DOCK9: variants seen among roughly 807,000 people sequenced by gnomAD.
The protein encoded by DOCK9 is dedicator of cytokinesis protein 9.
A neutral mutation model predicts 263.3 loss-of-function variants in DOCK9; 89 were observed. That is an observed-to-expected ratio of 0.34 (90% CI 0.28 to 0.40). The LOEUF (loss-of-function observed/expected upper bound fraction) is 0.40. DOCK9 is among the 10% of genes least tolerant of loss of function. The pLI, the probability that DOCK9 is intolerant of heterozygous loss-of-function variation, is 1.00. For missense variants in DOCK9, 2,140 were observed against 2,603.4 expected (o/e 0.82, Z 3.87); for synonymous variants, 976 against 973.1 (o/e 1.00, Z -0.06).
chr13:98,827,914 C>T (rs912926234), intron 43 of DOCK9, among the ~76,000 whole-genome samples: 4 of 152,208 alleles, frequency 2.6e-5, no homozygotes, highest in Admixed American at 2.6e-4. Context: ...CGCCAAAATT[C>T]ATGGCCTCCC....
At chr13:98,795,154 C>T (rs1049769528) in intron 52 of DOCK9, among the ~76,000 whole-genome samples, 13 of 152,180 alleles carry the variant, frequency 8.5e-5, no homozygotes, top group African/African-American at 3.1e-4. Context: ...CATAAGGCAA[C>T]GTGAGGTCTA....
At chr13:98,807,090 G>C (rs1333199118) in intron 48 of DOCK9, among the ~76,000 whole-genome samples, 1 of 152,148 alleles carries the variant, frequency 6.6e-6, no homozygotes, top group Non-Finnish European at 1.5e-5. Flanking sequence ...TGACCTCCTG[G>C]AGATGTCCTG....
chr13:98,818,805 C>T (rs772313), intron 45 of DOCK9, among the ~76,000 whole-genome samples: 69,640 of 151,836 alleles, frequency 0.46, 16,385 homozygotes, highest in Admixed American at 0.52. Context: ...CACTGAGCAT[C>T]TGTCTCTGGA....
chr13:98,826,448 G>A (rs1203703897), intron 44 of DOCK9, among the ~76,000 whole-genome samples: 3 of 152,204 alleles, frequency 2.0e-5, no homozygotes, highest in East Asian at 3.8e-4. Context: ...GCTGGGCTGC[G>A]TTGCAGAAAT....
intron 2 of DOCK9, among the ~76,000 whole-genome samples, chr13:98,936,414 G>A (rs1050908523): frequency 6.6e-6 from 1 of 152,104 alleles, no homozygotes; most frequent in African/African-American, 2.4e-5. Context: ...GAGACCAGGA[G>A]TTCGAGACCA....
At chr13:98,860,214 C>T (rs1296412948) in intron 33 of DOCK9, 191 bp downstream of exon 33, 8 of 1,430,204 alleles carry the variant, frequency 5.6e-6, no homozygotes, top group South Asian at 1.6e-5. Context: ...CACAGGCATC[C>T]GGGACCTTTA....
chr13:98,968,083 G>A (rs1183274698), intron 1 of DOCK9, among the ~76,000 whole-genome samples: 2 of 152,190 alleles, frequency 1.3e-5, no homozygotes, highest in African/African-American at 4.8e-5. Flanking sequence ...ACTGATCGGT[G>A]TGGTAGCTAC....
chr13:98,948,555 A>G (rs1264573581), intron 2 of DOCK9, among the ~76,000 whole-genome samples: 1 of 152,224 alleles, frequency 6.6e-6, no homozygotes, highest in East Asian at 1.9e-4. Flanking sequence ...TAAATACATA[A>G]AACACAAAAT....
chr13:98,960,079 A>T (rs2058469910), intron 1 of DOCK9, among the ~76,000 whole-genome samples: 1 of 152,174 alleles, frequency 6.6e-6, no homozygotes, highest in East Asian at 1.9e-4. Context: ...CCCCACTATT[A>T]TTTGCAAGAA....
At chr13:98,849,420 G>C (rs1382872983) in intron 36 of DOCK9, among the ~76,000 whole-genome samples, 1 of 141,606 alleles carries the variant, frequency 7.1e-6, no homozygotes, top group Non-Finnish European at 1.6e-5. Context: ...AACAATAATA[G>C]TTCTGCAGAA....
intron 49 of DOCK9, among the ~76,000 whole-genome samples, chr13:98,801,284 C>T (rs1198720339): frequency 6.6e-6 from 1 of 151,740 alleles, no homozygotes; most frequent in African/African-American, 2.4e-5. Flanking sequence ...GACCCTGTCT[C>T]AAAAAAGAAA....
chr13:98,925,530 C>A (rs763402973), intron 4 of DOCK9, among the ~76,000 whole-genome samples: 52 of 152,262 alleles, frequency 3.4e-4, no homozygotes, highest in Non-Finnish European at 5.9e-4. Flanking sequence ...TTTCAGTACA[C>A]TTACGTTTTG....
chr13:98,825,749 A>T lies in DOCK9; in HGVS notation c.5023+1081T>A. 1 of 583,358 alleles carries T rather than the reference A, an allele frequency of 1.7e-6. No homozygotes were observed. The highest frequency in any genetic ancestry group is 2.7e-6 in the Non-Finnish European group (1 of 364,110). 36.1% of individuals were successfully genotyped at this position (583,358 alleles called of 1,614,324 possible). ...ATAGACCAGCCAACCAGAGAGCCAC[A>T]GAGTAGGAGGGAAGGAGAGTGAAGT... is the stretch of plus-strand genomic sequence containing the variant. On this transcript the variant is annotated intron_variant, in intron 44 of 52. Transcript: ENST00000682017. This position sits in a 1 kb window ranked among gnomAD's most constrained non-coding sequence, Gnocchi z 4.1.
At chr13:99,071,988 T>C (rs561699129) in intron 1 of DOCK9, among the ~76,000 whole-genome samples, 6 of 152,348 alleles carry the variant, frequency 3.9e-5, no homozygotes, top group African/African-American at 1.2e-4. Context: ...TGGTGTCTAT[T>C]AGCGCTTGAA....
chr13:99,004,820 C>CAG (rs1257019501), intron 1 of DOCK9, among the ~76,000 whole-genome samples: 41 of 148,904 alleles, frequency 2.8e-4, no homozygotes, highest in African/African-American at 8.0e-4. Flanking sequence ...CACACACACA[C>CAG]AGTCACATGT....
intron 1 of DOCK9, among the ~76,000 whole-genome samples, chr13:98,998,700 C>T (rs139627512): frequency 1.2e-4 from 19 of 152,252 alleles, no homozygotes; most frequent in African/African-American, 4.6e-4. Context: ...CTGCATGGCC[C>T]CTAATCGTCC....
At chr13:98,995,614 G>A (rs1458906095) in intron 1 of DOCK9, among the ~76,000 whole-genome samples, 1 of 148,714 alleles carries the variant, frequency 6.7e-6, no homozygotes, top group Non-Finnish European at 1.5e-5. Flanking sequence ...TCAGCCTCCC[G>A]AGTAGCTGGG....
upstream of DOCK9, among the ~76,000 whole-genome samples, chr13:98,981,307 T>C (rs547534726): frequency 3.3e-5 from 5 of 152,298 alleles, no homozygotes; most frequent in African/African-American, 1.2e-4. Context: ...TCCTCCCACC[T>C]TGGCCTCCCA....
intron 1 of DOCK9, among the ~76,000 whole-genome samples, chr13:99,040,745 G>A (rs575944783): frequency 6.6e-6 from 1 of 152,234 alleles, no homozygotes; most frequent in South Asian, 2.1e-4. Context: ...AAATTAGGAG[G>A]GAGGGAGGAC....
Sources: gnomAD v4.1 joint callset for allele counts (sites outside exome capture counted in the v4.1 genomes callset) on GRCh38, gnomAD v4.1.1 for gene constraint, Gnocchi (gnomAD v3.1) non-coding constraint, MANE v1.5 for transcripts, NCBI Gene and HGNC (gene_info 2026-07-23, HGNC 2026-07-21) for gene names.